The following SEPTIN10 variants were observed in gnomAD, a reference collection of about 807,000 sequenced individuals.
SEPTIN10 encodes the protein septin 10, also known as septin-10.
Under a neutral mutation model 54.8 loss-of-function variants are expected in SEPTIN10, and 66 were observed. That is an observed-to-expected ratio of 1.21 (90% CI 0.99 to 1.48). The LOEUF (loss-of-function observed/expected upper bound fraction) is 1.48, where lower values mean the gene tolerates loss of function less well. SEPTIN10 is among the 40% of genes most tolerant of loss of function. The pLI is 0.00. For missense variants in SEPTIN10, 620 were observed against 545.6 expected, an observed-to-expected ratio of 1.14 and a Z score of -1.36; for synonymous variants, 161 against 181.0, an observed-to-expected ratio of 0.89 and a Z score of 0.89.
intron 4 of SEPTIN10, among the ~76,000 whole-genome samples, chr2:109,576,578 A>C (rs929906333): frequency 1.3e-5 from 2 of 152,172 alleles, no homozygotes; most frequent in African/African-American, 4.8e-5. Context: ...TAAAATGGGA[A>C]AAATTAATCT....
intron 4 of SEPTIN10, among the ~76,000 whole-genome samples, chr2:109,582,976 T>C (rs2105720372): frequency 6.6e-6 from 1 of 152,346 alleles, no homozygotes; most frequent in East Asian, 1.9e-4. Flanking sequence ...GCTAGCCATA[T>C]GCAGAAGAAT....
At position 109,600,324 on chromosome 2, in the gene SEPTIN10, T is replaced by G. The variant is rs371243892; in HGVS notation, c.31-7205A>C. ...CAGGCAATACTACCCCTGCCCCTCATCTCCAAGAAATCTCCTACACTGCTA... is the reference window on the plus strand; with the variant it reads ...CAGGCAATACTACCCCTGCCCCTCAGCTCCAAGAAATCTCCTACACTGCTA... On this transcript the variant is annotated intron_variant, in intron 1 of 10. Transcript: ENST00000397712. Among the ~76,000 whole-genome samples, 6 of 152,172 alleles carry G rather than the reference T, an allele frequency of 3.9e-5. No homozygotes were observed. The South Asian group carries it at 6.2e-4, about 16-fold the overall frequency.
At chr2:109,611,363 A>G (rs1469298421) in intron 1 of SEPTIN10, among the ~76,000 whole-genome samples, 1 of 152,222 alleles carries the variant, frequency 6.6e-6, no homozygotes, top group Non-Finnish European at 1.5e-5. Flanking sequence ...TTTGCTTTGC[A>G]AAAGACCCTG....
intron 4 of SEPTIN10, among the ~76,000 whole-genome samples, chr2:109,582,248 T>C (rs898732604): frequency 2.0e-5 from 3 of 152,036 alleles, no homozygotes; most frequent in Admixed American, 6.5e-5. Context: ...GGAATCAATA[T>C]AGTTGGAAGA....
intron 4 of SEPTIN10, among the ~76,000 whole-genome samples, chr2:109,576,144 C>T (rs933947646): frequency 6.6e-6 from 1 of 152,144 alleles, no homozygotes; most frequent in African/African-American, 2.4e-5. Context: ...GCCTATAGTC[C>T]TAGCTACTTG....
At chr2:109,595,936 C>A (rs1264276650) in intron 1 of SEPTIN10, among the ~76,000 whole-genome samples, 1 of 152,214 alleles carries the variant, frequency 6.6e-6, no homozygotes, top group African/African-American at 2.4e-5. Flanking sequence ...TACCTGCTTG[C>A]CTCTCAGCAT....
chr2:109,582,194 G>GA (rs1383221993), intron 4 of SEPTIN10, among the ~76,000 whole-genome samples: 140 of 151,950 alleles, frequency 9.2e-4, no homozygotes, highest in African/African-American at 3.4e-3. Flanking sequence ...AAACACTGCT[G>GA]AAAGAAATCA....
chr2:109,599,633 A>G (rs1208941359), intron 1 of SEPTIN10, among the ~76,000 whole-genome samples: 1 of 152,092 alleles, frequency 6.6e-6, no homozygotes, highest in Non-Finnish European at 1.5e-5. Context: ...TTATACCATC[A>G]AACTCCAACA....
intron 1 of SEPTIN10, among the ~76,000 whole-genome samples, chr2:109,601,251 AC>A (rs1311611367): frequency 6.6e-6 from 1 of 152,194 alleles, no homozygotes; most frequent in African/African-American, 2.4e-5. Flanking sequence ...TCCTTAAGCT[AC>A]CTAGGGGCTG....
intron 10 of SEPTIN10, chr2:109,544,773 C>T (rs1680743153): frequency 1.2e-6 from 1 of 817,764 alleles, no homozygotes; most frequent in Non-Finnish European, 1.5e-6. Flanking sequence ...AGCTTTTATA[C>T]TATTTATTCT....
chr2:109,593,795 G>A (rs1694645231), intron 1 of SEPTIN10, among the ~76,000 whole-genome samples: 1 of 152,156 alleles, frequency 6.6e-6, no homozygotes, highest in Non-Finnish European at 1.5e-5. Flanking sequence ...CAAATGTCAA[G>A]AATGCTACAA....
At chr2:109,595,374 C>T (rs1558867825) in intron 1 of SEPTIN10, among the ~76,000 whole-genome samples, 2 of 152,156 alleles carry the variant, frequency 1.3e-5, no homozygotes, top group South Asian at 2.1e-4. Flanking sequence ...GATTTTAATA[C>T]CTGGCTTCAG....
chr2:109,613,878 G>A lies in SEPTIN10; in HGVS notation c.-51C>T, dbSNP rs1170322935. 4.1e-6 allele frequency: 5 copies of A among 1,230,256 alleles called. No individual in the cohort carries two copies. The highest frequency in any genetic ancestry group is 6.3e-4 in the Middle Eastern group (2 of 3,190). 76.2% of individuals were successfully genotyped at this position (1,230,256 alleles called of 1,614,324 possible). ...CGGCTGTATCAGCCCGGCCCCGAGC[G>A]GCTGGTCCCGGCGACGGCGGCGGGA... On this transcript the variant is annotated 5_prime_UTR_variant, in exon 1 of 11. Transcript: ENST00000397712.
intron 4 of SEPTIN10, among the ~76,000 whole-genome samples, chr2:109,581,018 A>G (rs1690986306): frequency 6.6e-6 from 1 of 152,236 alleles, no homozygotes; most frequent in Non-Finnish European, 1.5e-5. Flanking sequence ...GTCCCTGGCT[A>G]AAGAATAATA....
chr2:109,553,071 A>C lies in SEPTIN10; in HGVS notation c.1161+16T>G. On this transcript the variant is annotated intron_variant, in intron 9 of 10. Transcript: ENST00000397712. Reference sequence around the variant, plus strand: ...CTAAAAAATAAATGCAAATCACATCAAACCAGCATACTTGCCTCTCTCTCA... The same window carrying C: ...CTAAAAAATAAATGCAAATCACATCCAACCAGCATACTTGCCTCTCTCTCA... 2 of 1,607,368 alleles carry C rather than the reference A, an allele frequency of 1.2e-6. No homozygotes were observed. Among genetic ancestry groups the C allele is most frequent in the Non-Finnish European group, 8.5e-7 (1 of 1,178,580 alleles).
At chr2:109,544,404 T>C in intron 10 of SEPTIN10, 80 bp from the exon 11 acceptor site, 1 of 1,504,616 alleles carries the variant, frequency 6.6e-7, no homozygotes, top group Non-Finnish European at 8.8e-7. Flanking sequence ...ATCTAGTATA[T>C]TATAGGATAT....
intron 4 of SEPTIN10, among the ~76,000 whole-genome samples, chr2:109,578,407 G>A (rs569063737): frequency 6.6e-6 from 1 of 152,292 alleles, no homozygotes; most frequent in African/African-American, 2.4e-5. Flanking sequence ...GAGAAAAAAG[G>A]TCACTACGTA....
chr2:109,542,994 T>C lies in SEPTIN10; in HGVS notation c.*1315A>G, dbSNP rs1159936329. ...AAAATTAAACACATTTTAGTAAATA[T>C]ATGTTTTATTTGTCAAGAGTAAATG... On this transcript the variant is annotated 3_prime_UTR_variant, in exon 11 of 11. Coordinates refer to ENST00000397712, the MANE Select transcript of SEPTIN10 (RefSeq NM_144710.5). 2 of 152,628 alleles carry C rather than the reference T, an allele frequency of 1.3e-5. No homozygotes were observed. The highest frequency in any genetic ancestry group is 2.4e-5 in the African/African-American group (1 of 41,460). 9.5% of individuals were successfully genotyped at this position (152,628 alleles called of 1,614,324 possible).
intron 4 of SEPTIN10, among the ~76,000 whole-genome samples, chr2:109,577,598 TAA>T (rs566368167): frequency 6.0e-5 from 8 of 133,244 alleles, no homozygotes; most frequent in Non-Finnish European, 8.0e-5. Flanking sequence ...CCTCAAAATT[TAA>T]AAAAAAAAAA....
Sources: allele counts gnomAD v4.1 joint callset (sites outside exome capture counted in the v4.1 genomes callset), GRCh38; gene constraint gnomAD v4.1.1; transcripts MANE v1.5; gene names NCBI Gene and HGNC (gene_info 2026-07-23, HGNC 2026-07-21).